The following GRSF1 variants were observed in gnomAD, a reference collection of about 807,000 sequenced individuals.
The protein encoded by GRSF1 is G-rich sequence factor 1.
A neutral mutation model predicts 51.1 loss-of-function variants in GRSF1; 50 were observed. That is an observed-to-expected ratio of 0.98 (90% CI 0.78 to 1.24). The LOEUF (loss-of-function observed/expected upper bound fraction) is 1.24, where lower values mean the gene tolerates loss of function less well. GRSF1 is among the 50% of genes most tolerant of loss of function. The pLI is 0.00. For missense variants in GRSF1, 700 were observed against 639.7 expected (o/e 1.09, Z -1.02); for synonymous variants, 293 against 253.3 (o/e 1.16, Z -1.49).
At position 70,839,584 on chromosome 4, in the gene GRSF1, C is replaced by G; in HGVS notation, c.244G>C (p.Val82Leu). The G allele has an allele frequency of 7.1e-7, 1 of 1,418,240 alleles. No individual in the cohort carries two copies. Among genetic ancestry groups the G allele is most frequent in the East Asian group, 3.1e-5 (1 of 32,162 alleles). The allele number at this position is 1,418,240 out of a possible 1,614,324, so 87.9% of individuals were successfully genotyped here. Reference sequence around the variant, plus strand: ...GCCGCGGCCGCGGCAGAGGTGGCCACAGCGGGAGGCCCCGCCAGCCTCCCG... The same window carrying G: ...GCCGCGGCCGCGGCAGAGGTGGCCAGAGCGGGAGGCCCCGCCAGCCTCCCG... ...PPGRLAGPPAVATSAAAAAAA... is the reference protein window; with the variant it reads ...PPGRLAGPPALATSAAAAAAA... The change falls in exon 1 of 10, where the codon GTG becomes CTG. Residue 82 changes from valine to leucine, a missense_variant. Transcript: ENST00000254799.
chr4:70,823,172 G>C (rs113206699), intron 9 of GRSF1, among the ~76,000 whole-genome samples: 8,221 of 152,188 alleles, frequency 0.054, 537 homozygotes, highest in African/African-American at 0.16. Flanking sequence ...GAGGCAGGCG[G>C]ATCACCTGAG....
intron 5 of GRSF1, among the ~76,000 whole-genome samples, chr4:70,831,175 G>A (rs911670364): frequency 2.0e-5 from 3 of 151,806 alleles, no homozygotes; most frequent in African/African-American, 7.3e-5. Context: ...GGCCAACATG[G>A]TGAAACCCCG....
chr4:70,832,657 T>G (rs566245822), intron 3 of GRSF1, among the ~76,000 whole-genome samples: 1 of 152,356 alleles, frequency 6.6e-6, no homozygotes, highest in South Asian at 2.1e-4. Context: ...GCTTGTAAGA[T>G]ACTTCATTGG....
chr4:70,832,202 T>C (rs748183088), intron 4 of GRSF1, 105 bp downstream of exon 4: 27 of 802,654 alleles, frequency 3.4e-5, no homozygotes, highest in Non-Finnish European at 5.2e-5. Context: ...AAGAACCTAA[T>C]ATAACTGCAT....
chr4:70,830,102 G>A lies in GRSF1; in HGVS notation c.950+1437C>T, dbSNP rs191242847. On this transcript the variant is annotated intron_variant, in intron 5 of 9. Coordinates refer to ENST00000254799, the MANE Select transcript of GRSF1 (RefSeq NM_002092.4). ...AAGTCAATTGCTTTTAAAAAGGGGG[G>A]AAGAATAAGTAAGGGGGATTTGCTC... is the stretch of plus-strand genomic sequence containing the variant. 7.2e-5 allele frequency among the ~76,000 whole-genome samples: 11 copies of A among 152,230 alleles called. 1 individual carries two copies. In the East Asian group the frequency reaches 9.7e-4, roughly 13 times the overall value.
In GRSF1 at chr4:70,839,729, G is replaced by A; in HGVS notation, c.99C>T (p.Tyr33=). 6.7e-7 allele frequency: 1 copy of A among 1,501,342 alleles called. No individual in the cohort carries two copies. Among genetic ancestry groups the A allele is most frequent in the Non-Finnish European group, 8.8e-7 (1 of 1,132,856 alleles). The allele number at this position is 1,501,342 out of a possible 1,614,324, so 93.0% of individuals were successfully genotyped here. The change falls in exon 1 of 10, where the codon TAC becomes TAT. Residue 33 remains tyrosine (Y), a synonymous_variant. Coordinates refer to ENST00000254799, the MANE Select transcript of GRSF1 (RefSeq NM_002092.4). The part of the protein sequence containing the change: ...RRTGAACLPF[Y]SAAGSIPSGV... ...CCGACGGGATAGAGCCAGCGGCGGA[G>A]TAGAAGGGCAGGCAGGCGGCGCCGG...
chr4:70,822,771 T>C (rs777573001), intron 9 of GRSF1, among the ~76,000 whole-genome samples: 4 of 151,998 alleles, frequency 2.6e-5, no homozygotes, highest in Non-Finnish European at 5.9e-5. Context: ...TATATGGAGA[T>C]AATGCTCAAA....
At position 70,826,150 on chromosome 4, in the gene GRSF1, G is replaced by C. The variant is rs75026899; in HGVS notation, c.1231C>G (p.Gln411Glu). 1 of 1,610,810 alleles carries C rather than the reference G, an allele frequency of 6.2e-7. No homozygotes were observed. Among genetic ancestry groups the C allele is most frequent in the Non-Finnish European group, 8.5e-7 (1 of 1,178,184 alleles). Residue 411 changes from glutamine to glutamate, a missense_variant, in exon 7 of 10, where the codon CAA becomes GAA. Transcript: ENST00000254799. Reference sequence around the variant, plus strand: ...TTTATAATGTCTTGGGCATTGGCTTGGAAAGGTAATCCTCTCATGTGGACA... The same window carrying C: ...TTTATAATGTCTTGGGCATTGGCTTCGAAAGGTAATCCTCTCATGTGGACA... ...HFVHMRGLPFQANAQDIINFF... is the reference protein window; with the variant it reads ...HFVHMRGLPFEANAQDIINFF...
chr4:70,825,539 C>A (rs534597893), intron 7 of GRSF1, 108 bp from the exon 8 acceptor site: 5 of 736,582 alleles, frequency 6.8e-6, no homozygotes, highest in African/African-American at 5.3e-5. Flanking sequence ...ACACTTGATA[C>A]ATTTCTTTTT....
chr4:70,817,578 C>T lies in GRSF1; in HGVS notation c.*3309G>A, dbSNP rs1453614563. ...GGGATTGGGAATTAAAACGATGAGA[C>T]CACTATTCACCCATTAGCTAAAATG... On this transcript the variant is annotated 3_prime_UTR_variant, in exon 10 of 10. Coordinates refer to ENST00000254799, the MANE Select transcript of GRSF1 (RefSeq NM_002092.4). 1 of 152,128 alleles carries T rather than the reference C, an allele frequency of 6.6e-6. No homozygotes were observed. The highest frequency in any genetic ancestry group is 2.4e-5 in the African/African-American group (1 of 41,414). 9.4% of individuals were successfully genotyped at this position (152,128 alleles called of 1,614,324 possible).
In GRSF1 at chr4:70,825,434, A is replaced by G. The variant is rs768684523; in HGVS notation, c.1258-3T>C. The G allele has an allele frequency of 4.4e-6, 7 of 1,605,212 alleles. No individual in the cohort carries two copies. The highest frequency in any genetic ancestry group is 2.7e-5 in the African/African-American group (2 of 74,510). On this transcript the variant is annotated splice_polypyrimidine_tract_variant and splice_region_variant and intron_variant, in intron 7 of 9. Transcript: ENST00000254799. ...ACAGGCTTGAGTGGAGCAAAAAACT[A>G]AACGACAAACAAAGGCAGTCAAGAG...
chr4:70,833,145 T>C lies in GRSF1; in HGVS notation c.643A>G (p.Met215Val), dbSNP rs1379688934. ...DVQKALEKHR[M>V]YMGQRYVEVY... is the part of the protein sequence containing the mutation. ...TCCACATACCGCTGGCCCATGTACA[T>C]GCGGTGCTTCTCTAAGGCTTTCTGC... The change falls in exon 3 of 10, where the codon ATG (methionine) becomes GTG (valine). Residue 215 changes from methionine to valine, a missense_variant. Coordinates refer to ENST00000254799, the MANE Select transcript of GRSF1 (RefSeq NM_002092.4). The C allele has an allele frequency of 3.7e-6, 6 of 1,613,876 alleles. No homozygotes were observed. Among genetic ancestry groups the C allele is most frequent in the African/African-American group, 1.3e-5 (1 of 74,936 alleles).
intron 1 of GRSF1, among the ~76,000 whole-genome samples, chr4:70,838,088 G>A (rs1196826382): frequency 2.0e-5 from 3 of 151,430 alleles, no homozygotes; most frequent in African/African-American, 4.8e-5. Context: ...GCGCAGTGGC[G>A]GGCGCCTGTA....
chr4:70,840,621 G>T (rs1395675642), upstream of GRSF1, among the ~76,000 whole-genome samples: 1 of 152,120 alleles, frequency 6.6e-6, no homozygotes, highest in East Asian at 1.9e-4. Flanking sequence ...AAATTAGCCG[G>T]GTGTGGTGAC....
chr4:70,839,003 C>T, intron 1 of GRSF1: 2 of 508,486 alleles, frequency 3.9e-6, no homozygotes, highest in Non-Finnish European at 3.2e-6. Context: ...ACTGTGTGCG[C>T]GCACCTTCCC....
chr4:70,837,293 G>A (rs1403224760), intron 1 of GRSF1, among the ~76,000 whole-genome samples: 1 of 151,402 alleles, frequency 6.6e-6, no homozygotes, highest in African/African-American at 2.4e-5. Flanking sequence ...GGCCAGGTGC[G>A]GTGGCTCACG....
intron 1 of GRSF1, chr4:70,839,145 G>A (rs1734351817): frequency 7.6e-7 from 1 of 1,323,904 alleles, no homozygotes; most frequent in Non-Finnish European, 9.9e-7. Context: ...GAAGATGCGA[G>A]GTGGGGGCGT....
chr4:70,833,551 T>C (rs1280496583), intron 2 of GRSF1, among the ~76,000 whole-genome samples: 2 of 152,232 alleles, frequency 1.3e-5, no homozygotes, highest in Non-Finnish European at 1.5e-5. Flanking sequence ...AAATTCATTA[T>C]TTCTATTGCA....
rs527904559 is a variant in GRSF1, at chr4:70,820,179, T to G, written c.*708A>C. On this transcript the variant is annotated 3_prime_UTR_variant, in exon 10 of 10. Transcript: ENST00000254799. ...CAGGGAGGGACAGTTTAGACAACTTTTAAGTTAAGACTAGAATGCCCCCTT... is the reference window on the plus strand; with the variant it reads ...CAGGGAGGGACAGTTTAGACAACTTGTAAGTTAAGACTAGAATGCCCCCTT... The G allele has an allele frequency of 6.6e-6, 1 of 152,376 alleles. No individual in the cohort carries two copies. Among genetic ancestry groups the G allele is most frequent in the Admixed American group, 6.5e-5 (1 of 15,286 alleles). 9.4% of individuals were successfully genotyped at this position (152,376 alleles called of 1,614,324 possible).
Sources: allele counts gnomAD v4.1 joint callset (sites outside exome capture counted in the v4.1 genomes callset), GRCh38; gene constraint gnomAD v4.1.1; transcripts MANE v1.5; gene names NCBI Gene and HGNC (gene_info 2026-07-23, HGNC 2026-07-21).